The following CARMIL1 variants were observed in gnomAD, a reference collection of about 807,000 sequenced individuals.
The protein encoded by CARMIL1 is capping protein regulator and myosin 1 linker 1.
A neutral mutation model predicts 177.1 loss-of-function variants in CARMIL1; 90 were observed. The ratio of observed to expected loss-of-function variants is 0.51; its 90% CI spans 0.43 to 0.61. CARMIL1 has a LOEUF of 0.61. Among genes scored for constraint, CARMIL1 ranks in the 20% least tolerant of loss-of-function variants. The probability of loss-of-function intolerance (pLI) is 0.00; values close to 1 mark genes in which losing one functional copy is unlikely to be tolerated. For synonymous variants in CARMIL1, 577 were observed against 606.2 expected (o/e 0.95, Z 0.71); for missense variants, 1,380 against 1,667.0 (o/e 0.83, Z 3.00).
chr6:25,367,025 A>G (rs1287122062), intron 2 of CARMIL1, among the ~76,000 whole-genome samples: 1 of 152,212 alleles, frequency 6.6e-6, no homozygotes, highest in Non-Finnish European at 1.5e-5. Flanking sequence ...AGTTACTCAT[A>G]GTAGCATTCC....
At chr6:25,418,544 G>A (rs1795564145) in intron 2 of CARMIL1, among the ~76,000 whole-genome samples, 1 of 81,610 alleles carries the variant, frequency 1.2e-5, no homozygotes, top group South Asian at 5.1e-4. Flanking sequence ...GGCCTTAGGA[G>A]GGTGTAAAAA....
At chr6:25,279,975 G>A in intron 1 of CARMIL1, 140 bp downstream of exon 1, 2 of 980,578 alleles carry the variant, frequency 2.0e-6, no homozygotes, top group African/African-American at 1.6e-5. Context: ...CAGGGTCACT[G>A]GGGGTGCCGG....
intron 2 of CARMIL1, among the ~76,000 whole-genome samples, chr6:25,395,421 C>A (rs1378649715): frequency 6.6e-6 from 1 of 152,164 alleles, no homozygotes; most frequent in African/African-American, 2.4e-5. Context: ...CTATGCAAAT[C>A]TTTTCAAATT....
At chr6:25,409,993 CCTT>C (rs1388114495) in intron 2 of CARMIL1, among the ~76,000 whole-genome samples, 1 of 152,132 alleles carries the variant, frequency 6.6e-6, no homozygotes, top group African/African-American at 2.4e-5. Context: ...CTTATATTCT[CCTT>C]CTTTCCTTAT....
intron 8 of CARMIL1, among the ~76,000 whole-genome samples, chr6:25,463,861 C>T (rs1459249659): frequency 6.3e-5 from 8 of 126,382 alleles, no homozygotes; most frequent in East Asian, 4.8e-4. Flanking sequence ...CTCGCTCTGT[C>T]GCCCAGGCTG....
chr6:25,608,870 A>G (rs1816244291), intron 35 of CARMIL1, among the ~76,000 whole-genome samples: 1 of 152,214 alleles, frequency 6.6e-6, no homozygotes, highest in African/African-American at 2.4e-5. Context: ...TGCTGATAAC[A>G]GCAAAGGAAG....
rs1456709908 is a variant in CARMIL1, at chr6:25,605,936, A to G, written c.3635-125A>G. 6 of 659,028 alleles carry G rather than the reference A, an allele frequency of 9.1e-6. No individual in the cohort carries two copies. The East Asian group carries it at 1.6e-4, about 18-fold the overall frequency. The allele number at this position is 659,028 out of a possible 1,614,324, so 40.8% of individuals were successfully genotyped here. On this transcript the variant is annotated intron_variant, in intron 34 of 36. Transcript: ENST00000329474. ...CATGCTAGAACAGCATATTCTTAAA[A>G]TACTCTTAAAACATCCGTGATGAGA...
intron 11 of CARMIL1, among the ~76,000 whole-genome samples, chr6:25,481,895 C>T (rs560297858): frequency 2.0e-5 from 3 of 152,224 alleles, no homozygotes; most frequent in South Asian, 2.1e-4. Flanking sequence ...TCTAGAAGAG[C>T]GATCAACTCA....
chr6:25,606,075 C>T lies in CARMIL1; in HGVS notation c.3649C>T (p.Pro1217Ser), dbSNP rs1297034400. 6 of 1,613,418 alleles carry T rather than the reference C, an allele frequency of 3.7e-6. No homozygotes were observed. Among genetic ancestry groups the T allele is most frequent in the Non-Finnish European group, 5.1e-6 (6 of 1,179,636 alleles). The change falls in exon 35 of 37, where the codon CCA (proline) becomes TCA (serine). Residue 1217 changes from proline to serine, a missense_variant. Coordinates refer to ENST00000329474, the MANE Select transcript of CARMIL1 (RefSeq NM_017640.6). ...DGGGAVPKLH[P>S]GLPENRFGLG... ...TTTCATCTTAGTGCCTAAACTGCAC[C>T]CAGGTCTTCCAGAGAACCGCTTTGG...
At chr6:25,584,324 A>G (rs945670562) in intron 31 of CARMIL1, among the ~76,000 whole-genome samples, 1 of 149,980 alleles carries the variant, frequency 6.7e-6, no homozygotes, top group African/African-American at 2.5e-5. Flanking sequence ...TGCAGGCATG[A>G]GCTACCATGC....
At chr6:25,552,232 G>A (rs1344013238) in intron 27 of CARMIL1, among the ~76,000 whole-genome samples, 3 of 152,046 alleles carry the variant, frequency 2.0e-5, no homozygotes, top group African/African-American at 7.2e-5. Flanking sequence ...ATAACCTGTG[G>A]TTTGAGAATT....
intron 26 of CARMIL1, among the ~76,000 whole-genome samples, chr6:25,543,319 A>G (rs1809099068): frequency 6.6e-6 from 1 of 152,212 alleles, no homozygotes; most frequent in Admixed American, 6.5e-5. Context: ...TATTTCAGAA[A>G]GCAAAATAAA....
chr6:25,490,726 TAAATAAATAAATAAATAAATAAATAAA>T (rs1175378895), intron 13 of CARMIL1, among the ~76,000 whole-genome samples: 1 of 126,234 alleles, frequency 7.9e-6, no homozygotes, highest in Non-Finnish European at 1.6e-5. Context: ...AATAAATAAA[TAAATAAATAAATAAATAAATAAATAAA>T]AAAAAATAAA....
At chr6:25,572,095 T>C (rs571880344) in intron 29 of CARMIL1, among the ~76,000 whole-genome samples, 1 of 152,190 alleles carries the variant, frequency 6.6e-6, no homozygotes, top group East Asian at 1.9e-4. Context: ...TGTATGGTTA[T>C]ATAGGAAAAT....
At chr6:25,582,366 T>C (rs1813204964) in intron 31 of CARMIL1, among the ~76,000 whole-genome samples, 1 of 152,206 alleles carries the variant, frequency 6.6e-6, no homozygotes, top group Non-Finnish European at 1.5e-5. Context: ...GCCAGACCCA[T>C]TTAAGTTTTT....
intron 2 of CARMIL1, among the ~76,000 whole-genome samples, chr6:25,418,347 G>C (rs1238977601): frequency 6.6e-6 from 1 of 151,996 alleles, no homozygotes; most frequent in Non-Finnish European, 1.5e-5. Flanking sequence ...CCCTGCATTG[G>C]GTTAATGCCT....
intron 2 of CARMIL1, among the ~76,000 whole-genome samples, chr6:25,352,352 T>C (rs73383409): frequency 0.038 from 5,712 of 152,018 alleles, 144 homozygotes; most frequent in Middle Eastern, 0.099. Context: ...GGCTAAACTT[T>C]TATTATGTGT....
At chr6:25,356,814 C>T (rs1044031488) in intron 2 of CARMIL1, among the ~76,000 whole-genome samples, 1 of 152,178 alleles carries the variant, frequency 6.6e-6, no homozygotes, top group African/African-American at 2.4e-5. Flanking sequence ...TTGTGTTTAG[C>T]AGGCAGGCAC....
chr6:25,476,756 A>G (rs1801611599), intron 11 of CARMIL1, among the ~76,000 whole-genome samples: 1 of 152,158 alleles, frequency 6.6e-6, no homozygotes, highest in East Asian at 1.9e-4. Context: ...ACAGGATATA[A>G]AAAACACTAA....
Sources: gnomAD v4.1 joint callset for allele counts (sites outside exome capture counted in the v4.1 genomes callset) on GRCh38, gnomAD v4.1.1 for gene constraint, MANE v1.5 for transcripts, NCBI Gene and HGNC (gene_info 2026-07-23, HGNC 2026-07-21) for gene names.